Variants in RFX4 observed in about 807,000 individuals in gnomAD.
RFX4 encodes the protein regulatory factor X4, also known as transcription factor RFX4.
A neutral mutation model predicts 95.0 loss-of-function variants in RFX4; 10 were observed. The observed-to-expected ratio is 0.11, with a 90% CI of 0.06 to 0.18. RFX4 has a LOEUF of 0.18. Ranked by LOEUF, RFX4 falls within the 10% of genes least tolerant of loss-of-function variation. The probability of loss-of-function intolerance (pLI) is 1.00; values close to 1 mark genes in which losing one functional copy is unlikely to be tolerated. For missense variants in RFX4, 640 were observed against 922.0 expected (o/e 0.69, Z 3.96); for synonymous variants, 321 against 340.7 (o/e 0.94, Z 0.64).
At chr12:106,727,140 A>G (rs2042515677) in intron 13 of RFX4, among the ~76,000 whole-genome samples, 1 of 152,190 alleles carries the variant, frequency 6.6e-6, no homozygotes. Flanking sequence ...TTAGTGGCAA[A>G]ATTTTTTAAA....
chr12:106,744,760 C>T (rs180697745), intron 15 of RFX4, among the ~76,000 whole-genome samples: 1 of 152,236 alleles, frequency 6.6e-6, no homozygotes, highest in East Asian at 1.9e-4. Flanking sequence ...GGGTTCACAG[C>T]CCGACTGAAC....
At chr12:106,707,025 G>T (rs2042098435) in intron 8 of RFX4, among the ~76,000 whole-genome samples, 1 of 152,160 alleles carries the variant, frequency 6.6e-6, no homozygotes. Flanking sequence ...GGGGTTAAAT[G>T]ACATCTTGGA....
At chr12:106,595,280 A>G (rs1405471878) in intron 1 of RFX4, among the ~76,000 whole-genome samples, 2 of 152,150 alleles carry the variant, frequency 1.3e-5, no homozygotes, top group African/African-American at 4.8e-5. Context: ...TTGCCTCCCC[A>G]ACTCCAGAGC....
chr12:106,607,266 C>T (rs2039856016), intron 1 of RFX4, among the ~76,000 whole-genome samples: 1 of 152,062 alleles, frequency 6.6e-6, no homozygotes, highest in Non-Finnish European at 1.5e-5. Flanking sequence ...CTTAGGGGCA[C>T]AATGCTGAAA....
chr12:106,760,713 A>G (rs2043194397), intron 17 of RFX4, among the ~76,000 whole-genome samples: 2 of 152,366 alleles, frequency 1.3e-5, no homozygotes, highest in Non-Finnish European at 2.9e-5. Flanking sequence ...GTTATTTTTA[A>G]TAACATCATT....
At chr12:106,729,548 T>G (rs1316036448) in intron 13 of RFX4, among the ~76,000 whole-genome samples, 1 of 152,250 alleles carries the variant, frequency 6.6e-6, no homozygotes, top group Non-Finnish European at 1.5e-5. Context: ...GTCTTGGTTC[T>G]GCCGCTTAAT....
At chr12:106,594,261 A>T (rs564981073) in intron 1 of RFX4, among the ~76,000 whole-genome samples, 1 of 152,340 alleles carries the variant, frequency 6.6e-6, no homozygotes, top group Non-Finnish European at 1.5e-5. Flanking sequence ...TGAGGCCCTC[A>T]GTTAAAACAT....
intron 1 of RFX4, among the ~76,000 whole-genome samples, chr12:106,589,966 G>A (rs961806669): frequency 3.9e-5 from 6 of 152,234 alleles, no homozygotes; most frequent in African/African-American, 1.4e-4. Flanking sequence ...TGTCTCCTAT[G>A]TGCCCAGCAT....
intron 13 of RFX4, among the ~76,000 whole-genome samples, chr12:106,727,309 T>C (rs1219776918): frequency 1.3e-5 from 2 of 152,200 alleles, no homozygotes; most frequent in African/African-American, 4.8e-5. Flanking sequence ...AAAAACCTTT[T>C]AGCAAACTAG....
At chr12:106,736,503 GA>G (rs1230487334) in intron 15 of RFX4, among the ~76,000 whole-genome samples, 1 of 152,076 alleles carries the variant, frequency 6.6e-6, no homozygotes. Context: ...GGCAGAAATG[GA>G]AAAAGGGCAC....
intron 2 of RFX4, among the ~76,000 whole-genome samples, chr12:106,635,611 T>G (rs1287361648): frequency 6.6e-6 from 1 of 152,134 alleles, no homozygotes; most frequent in African/African-American, 2.4e-5. Context: ...CCATGCCCGG[T>G]CCCATGTTTT....
chr12:106,618,042 A>G (rs560653746), intron 2 of RFX4, among the ~76,000 whole-genome samples: 6 of 151,868 alleles, frequency 4.0e-5, no homozygotes, highest in Non-Finnish European at 8.8e-5. Context: ...TATATTTTAA[A>G]TGTCCCAACA....
chr12:106,595,525 T>C (rs547479252), intron 1 of RFX4, among the ~76,000 whole-genome samples: 1 of 152,330 alleles, frequency 6.6e-6, no homozygotes, highest in African/African-American at 2.4e-5. Flanking sequence ...GGTGCCTCCA[T>C]GCAATGTGTG....
chr12:106,704,691 C>T (rs564211353), intron 8 of RFX4, among the ~76,000 whole-genome samples: 1 of 152,326 alleles, frequency 6.6e-6, no homozygotes, highest in East Asian at 1.9e-4. Flanking sequence ...GGATCATACA[C>T]TCCCATTTAT....
chr12:106,732,912 C>T lies in RFX4; in HGVS notation c.1472-12C>T, dbSNP rs185769485. The T allele has an allele frequency of 3.8e-3, 6,188 of 1,611,996 alleles. 10 individuals are homozygous for T. Among genetic ancestry groups the T allele is most frequent in the Non-Finnish European group, 4.7e-3 (5,563 of 1,178,326 alleles). ...ATTTGGTTTTAAAAACTTACCCTAT[C>T]TCTATCCACAGCAGAAGTCCGAGAA... On this transcript the variant is annotated splice_polypyrimidine_tract_variant and intron_variant, in intron 14 of 17. Transcript: ENST00000392842.
At chr12:106,703,315 GGAA>G (rs1291708559) in intron 8 of RFX4, among the ~76,000 whole-genome samples, 3 of 152,154 alleles carry the variant, frequency 2.0e-5, no homozygotes, top group Non-Finnish European at 2.9e-5. Flanking sequence ...CATTGTAGAT[GGAA>G]CGGAAACACA....
chr12:106,698,339 A>C (rs2041921120), intron 8 of RFX4, among the ~76,000 whole-genome samples: 1 of 151,838 alleles, frequency 6.6e-6, no homozygotes, highest in African/African-American at 2.4e-5. Flanking sequence ...TGGTGCAATC[A>C]TTGATCACTG....
intron 2 of RFX4, among the ~76,000 whole-genome samples, chr12:106,616,171 G>A (rs1448614825): frequency 6.6e-6 from 1 of 151,980 alleles, no homozygotes; most frequent in Admixed American, 6.6e-5. Context: ...TTCTTAAATG[G>A]GTGTTGAATT....
chr12:106,622,272 G>A (rs2040201014), intron 2 of RFX4, among the ~76,000 whole-genome samples: 1 of 152,002 alleles, frequency 6.6e-6, no homozygotes, highest in Non-Finnish European at 1.5e-5. Flanking sequence ...TAAGTTACAT[G>A]TACATATATT....
Sources: allele counts gnomAD v4.1 joint callset (sites outside exome capture counted in the v4.1 genomes callset), GRCh38; gene constraint gnomAD v4.1.1; transcripts MANE v1.5; gene names NCBI Gene and HGNC (gene_info 2026-07-23, HGNC 2026-07-21).